The following GLIPR2 variants were observed in gnomAD, a reference collection of about 807,000 sequenced individuals.
GLIPR2 encodes Golgi-associated plant pathogenesis-related protein 1.
In GLIPR2, 21 loss-of-function variants were observed where a neutral mutation model predicts 20.4. The observed-to-expected ratio is 1.03, with a 90% CI of 0.73 to 1.48. The LOEUF is 1.48. GLIPR2 is among the 40% of genes most tolerant of loss of function. The pLI, the probability that GLIPR2 is intolerant of heterozygous loss-of-function variation, is 0.00. For synonymous variants in GLIPR2, 91 were observed against 80.5 expected, an observed-to-expected ratio of 1.13 and a Z score of -0.70; for missense variants, 205 against 200.1, an observed-to-expected ratio of 1.02 and a Z score of -0.15.
chr9:36,155,267 G>A (rs1825781415), intron 4 of GLIPR2, among the ~76,000 whole-genome samples: 1 of 152,170 alleles, frequency 6.6e-6, no homozygotes, highest in Non-Finnish European at 1.5e-5. Flanking sequence ...CTCTGTCAAT[G>A]TAGACAAAGA....
upstream of GLIPR2, chr9:36,136,662 G>C: frequency 1.3e-6 from 1 of 753,478 alleles, no homozygotes; most frequent in Non-Finnish European, 1.8e-6. This position sits in a 1 kb window ranked among gnomAD's most constrained non-coding sequence, Gnocchi z 4.3. Context: ...GCGGGGGCCG[G>C]GCGGCGCCGG....
At chr9:36,154,043 T>A (rs1206135152) in intron 4 of GLIPR2, among the ~76,000 whole-genome samples, 2 of 139,468 alleles carry the variant, frequency 1.4e-5, no homozygotes, top group Non-Finnish European at 3.1e-5. Flanking sequence ...AGAGAAACAA[T>A]GTCTTATCAT....
At chr9:36,151,273 A>AG (rs1700140155) in intron 4 of GLIPR2, among the ~76,000 whole-genome samples, 4 of 152,094 alleles carry the variant, frequency 2.6e-5, no homozygotes, top group African/African-American at 9.7e-5. Context: ...TCATTCCTGA[A>AG]CTGGTCACCC....
chr9:36,149,279 T>C (rs1166906048), intron 3 of GLIPR2, among the ~76,000 whole-genome samples: 2 of 152,218 alleles, frequency 1.3e-5, no homozygotes, highest in Admixed American at 1.3e-4. Context: ...TGGAGAGCTG[T>C]CTGGATCTCT....
Position 36,145,724 on chromosome 9 carries a change from T to G in GLIPR2, c.14-2062T>G, listed in dbSNP as rs577937130. ...ATGGATGGAGGATGTTGGATGGATGTATAGATGATGTTGGATGAATGGTGG... is the reference window on the plus strand; with the variant it reads ...ATGGATGGAGGATGTTGGATGGATGGATAGATGATGTTGGATGAATGGTGG... On this transcript the variant is annotated intron_variant, in intron 1 of 4. Transcript: ENST00000377960. Among the ~76,000 whole-genome samples, 243 of 151,528 alleles carry G rather than the reference T, an allele frequency of 1.6e-3. 2 individuals are homozygous for G. Among genetic ancestry groups the G allele is most frequent in the African/African-American group, 5.6e-3 (230 of 41,310 alleles).
At chr9:36,146,686 C>T (rs1382155337) in intron 1 of GLIPR2, among the ~76,000 whole-genome samples, 1 of 152,222 alleles carries the variant, frequency 6.6e-6, no homozygotes, top group African/African-American at 2.4e-5. Flanking sequence ...CAAGTAAGTG[C>T]ACAACCCAGT....
At chr9:36,157,021 A>T (rs1825862864) in intron 4 of GLIPR2, among the ~76,000 whole-genome samples, 1 of 151,616 alleles carries the variant, frequency 6.6e-6, no homozygotes, top group African/African-American at 2.4e-5. Context: ...ATTTTATTTT[A>T]TTATATTTTA....
At chr9:36,150,709 C>G (rs1302922013) in intron 3 of GLIPR2, among the ~76,000 whole-genome samples, 163 bp from the exon 4 acceptor site, 1 of 152,152 alleles carries the variant, frequency 6.6e-6, no homozygotes, top group African/African-American at 2.4e-5. Context: ...GGGCAGGAGT[C>G]CCTGAGTCTG....
Position 36,161,491 on chromosome 9 carries a change from G to A in GLIPR2, c.305-871G>A, listed in dbSNP as rs560809024. On this transcript the variant is annotated intron_variant, in intron 4 of 4. Coordinates refer to ENST00000377960, the MANE Select transcript of GLIPR2 (RefSeq NM_022343.4). ...CCAGGGAAAGATGAAATTCCCTAAA[G>A]AGAGCTTAGAGGAAAAAAAAAAAAG... Among the ~76,000 whole-genome samples, 6 of 123,794 alleles carry A rather than the reference G, an allele frequency of 4.8e-5. No individual in the cohort carries two copies. In the East Asian group the frequency reaches 9.2e-4, roughly 19 times the overall value. The allele number at this position is 123,794 out of a possible 152,430, so 81.2% of individuals were successfully genotyped here. A position where few individuals can be genotyped will look rare whatever the true frequency, so the allele number is the denominator to read the frequency against.
In GLIPR2 at chr9:36,148,586, C is replaced by T; in HGVS notation, c.162C>T (p.His54=). 1 of 1,614,118 alleles carries T rather than the reference C, an allele frequency of 6.2e-7. No homozygotes were observed. The highest frequency in any genetic ancestry group is 8.5e-7 in the Non-Finnish European group (1 of 1,179,934). ...EALASTRILK[H]SPESSRGQCG... ...TGGCCAGCACGAGGATCCTCAAGCACAGCCCGGAGTCCAGCCGTGGCCAGT... is the reference window on the plus strand; with the variant it reads ...TGGCCAGCACGAGGATCCTCAAGCATAGCCCGGAGTCCAGCCGTGGCCAGT... The change falls in exon 3 of 5, where the codon CAC becomes CAT. Residue 54 remains histidine, a synonymous_variant. Coordinates refer to ENST00000377960, the MANE Select transcript of GLIPR2 (RefSeq NM_022343.4).
chr9:36,142,514 G>T (rs1825133997), intron 1 of GLIPR2, among the ~76,000 whole-genome samples: 2 of 152,188 alleles, frequency 1.3e-5, no homozygotes, highest in African/African-American at 4.8e-5. Context: ...CAGAGCAGGA[G>T]AAAGCAGGCC....
intron 3 of GLIPR2, among the ~76,000 whole-genome samples, chr9:36,149,784 T>C (rs1825501442): frequency 6.6e-6 from 1 of 152,060 alleles, no homozygotes; most frequent in African/African-American, 2.4e-5. Flanking sequence ...TCCCAGCACT[T>C]TGGGAGGCCG....
chr9:36,156,141 C>T (rs142907092), intron 4 of GLIPR2, among the ~76,000 whole-genome samples: 2,373 of 152,098 alleles, frequency 0.016, 26 homozygotes, highest in Non-Finnish European at 0.025. Context: ...ATCTGGGAGG[C>T]GAAGGTTTCA....
At chr9:36,159,299 G>C (rs927811535) in intron 4 of GLIPR2, among the ~76,000 whole-genome samples, 16 of 152,214 alleles carry the variant, frequency 1.1e-4, no homozygotes, top group Non-Finnish European at 2.2e-4. Context: ...GTTTGGCTCA[G>C]AGCAGAAGGA....
chr9:36,145,857 T>C (rs1825308329), intron 1 of GLIPR2, among the ~76,000 whole-genome samples: 1 of 152,188 alleles, frequency 6.6e-6, no homozygotes, highest in Non-Finnish European at 1.5e-5. Context: ...TTCTGTTCAC[T>C]ATTGATCTTG....
Position 36,150,897 on chromosome 9 carries a change from C to A in GLIPR2, c.252C>A (p.Tyr84Ter). 6.2e-7 allele frequency: 1 copy of A among 1,613,670 alleles called. No individual in the cohort carries two copies. Among genetic ancestry groups the A allele is most frequent in the Non-Finnish European group, 8.5e-7 (1 of 1,179,654 alleles). The change falls in exon 4 of 5, where the codon TAC becomes TAA. Residue 84 changes from tyrosine (Y) to a stop codon, truncating the protein, a stop_gained. Transcript: ENST00000377960. LOFTEE classifies it high-confidence loss of function. The part of the protein sequence containing the change: ...QTGKEVADRW[Y>*]SEIKNYNFQQ... ...GAAAGGAGGTGGCTGATAGATGGTA[C>A]AGTGAAATCAAGAACTATAACTTCC...
At chr9:36,145,238 T>G (rs1432697696) in intron 1 of GLIPR2, among the ~76,000 whole-genome samples, 1 of 152,234 alleles carries the variant, frequency 6.6e-6, no homozygotes, top group Non-Finnish European at 1.5e-5. Flanking sequence ...GATTCCTGAG[T>G]ATGGTGCTCA....
At chr9:36,152,952 CAAAAAAAAAAAAAA>C (rs67296666) in intron 4 of GLIPR2, among the ~76,000 whole-genome samples, 210 of 14,050 alleles carry the variant, frequency 0.015, 5 homozygotes, top group African/African-American at 0.055. Context: ...ACTGAAAGTG[CAAAAAAAAAAAAAA>C]AAAAAAAAAA....
chr9:36,160,846 A>G (rs1480936305), intron 4 of GLIPR2, among the ~76,000 whole-genome samples: 1 of 152,196 alleles, frequency 6.6e-6, no homozygotes, highest in Non-Finnish European at 1.5e-5. Flanking sequence ...GTTCAACACC[A>G]GCCTGGACAA....
Sources: gnomAD v4.1 joint callset for allele counts (sites outside exome capture counted in the v4.1 genomes callset) on GRCh38, gnomAD v4.1.1 for gene constraint, Gnocchi (gnomAD v3.1) non-coding constraint, MANE v1.5 for transcripts, NCBI Gene and HGNC (gene_info 2026-07-23, HGNC 2026-07-21) for gene names.